The following CTSB variants were observed in gnomAD, a reference collection of about 807,000 sequenced individuals.
The protein encoded by CTSB is APP secretase.
CTSB carries 57 observed loss-of-function variants against 44.3 expected under a neutral mutation model. The ratio of observed to expected loss-of-function variants is 1.29; its 90% CI spans 1.04 to 1.60. CTSB has a LOEUF of 1.60. CTSB is among the 40% of genes most tolerant of loss of function. The probability of loss-of-function intolerance (pLI) is 0.00; values close to 1 mark genes in which losing one functional copy is unlikely to be tolerated. For synonymous variants in CTSB, 320 were observed against 168.0 expected, an observed-to-expected ratio of 1.91 and a Z score of -7.00; for missense variants, 768 against 443.0, an observed-to-expected ratio of 1.73 and a Z score of -6.59.
intron 4 of CTSB, 25 bp from the exon 5 acceptor site, chr8:11,849,189 G>T (rs201207819): frequency 6.3e-7 from 1 of 1,597,660 alleles, no homozygotes; most frequent in South Asian, 1.1e-5. Context: ...CCCACCGGGT[G>T]AGGCTGCCAT....
chr8:11,848,469 C>G (rs1813880565), intron 5 of CTSB: 1 of 449,170 alleles, frequency 2.2e-6, no homozygotes, highest in African/African-American at 2.0e-5. Context: ...TGAGCAGACG[C>G]TAAACTTCCC....
chr8:11,861,769 G>A (rs1166948375), intron 1 of CTSB, among the ~76,000 whole-genome samples: 1 of 152,228 alleles, frequency 6.6e-6, no homozygotes, highest in Non-Finnish European at 1.5e-5. Flanking sequence ...AGCTTTTAGA[G>A]ATCCTTTGAG....
Position 11,848,125 on chromosome 8 carries a change from A to T in CTSB, c.474T>A (p.Ala158=). Residue 158 remains alanine, a synonymous_variant, in exon 6 of 10, where the codon GCT becomes GCA. Coordinates refer to ENST00000353047, the MANE Select transcript of CTSB (RefSeq NM_001908.5). ...DGCNGGYPAE[A]WNFWTRKGLV... is the part of the protein sequence containing the mutation. ...GGCCTTTTCTTGTCCAGAAGTTCCA[A>T]GCTTCAGCAGGATAGCCACCATTAC... is the stretch of plus-strand genomic sequence containing the variant. The T allele has an allele frequency of 3.1e-6, 5 of 1,614,210 alleles. No homozygotes were observed. The highest frequency in any genetic ancestry group is 1.1e-5 in the South Asian group (1 of 91,090).
At chr8:11,858,839 T>C (rs928277231) in intron 1 of CTSB, among the ~76,000 whole-genome samples, 1 of 152,228 alleles carries the variant, frequency 6.6e-6, no homozygotes, top group African/African-American at 2.4e-5. Context: ...CCAGGGTCTT[T>C]GCATGGGACA....
rs957123874 is a variant in CTSB, at chr8:11,844,884, A to G, written c.*241T>C. 2 of 525,462 alleles carry G rather than the reference A, an allele frequency of 3.8e-6. No homozygotes were observed. The highest frequency in any genetic ancestry group is 6.8e-6 in the Non-Finnish European group (2 of 292,920). 32.5% of individuals were successfully genotyped at this position (525,462 alleles called of 1,614,324 possible). Reference sequence around the variant, plus strand: ...TGGGGCAGCAGGTACTCCCTACGGCACTAGTCTACAGGGGGAAGGACGCTC... The same window carrying G: ...TGGGGCAGCAGGTACTCCCTACGGCGCTAGTCTACAGGGGGAAGGACGCTC... On this transcript the variant is annotated 3_prime_UTR_variant, in exon 10 of 10. Coordinates refer to ENST00000353047, the MANE Select transcript of CTSB (RefSeq NM_001908.5).
In CTSB at chr8:11,853,335, C is replaced by G. The variant is rs756120556; in HGVS notation, c.120G>C (p.Thr40=). Reference sequence around the variant, plus strand: ...ACGCAGCCCCACAGCCTACCTGCCACGTGGTATTCCGTTTGTTGACATAGT... The same window carrying G: ...ACGCAGCCCCACAGCCTACCTGCCAGGTGGTATTCCGTTTGTTGACATAGT... The part of the protein sequence containing the change: ...LVNYVNKRNT[T]WQAGHNFYNV... The change falls in exon 2 of 10, where the codon ACG becomes ACC. Residue 40 remains threonine (T), a synonymous_variant. Coordinates refer to ENST00000353047, the MANE Select transcript of CTSB (RefSeq NM_001908.5). The G allele has an allele frequency of 3.7e-6, 6 of 1,613,296 alleles. No individual in the cohort carries two copies. Among genetic ancestry groups the G allele is most frequent in the Non-Finnish European group, 5.1e-6 (6 of 1,179,848 alleles).
chr8:11,856,116 G>A (rs1586161289), intron 1 of CTSB, among the ~76,000 whole-genome samples: 1 of 152,052 alleles, frequency 6.6e-6, no homozygotes, highest in East Asian at 1.9e-4. Flanking sequence ...AGATTGGCAA[G>A]GGCTGGACAG....
At chr8:11,845,876 G>A (rs184556137) in intron 8 of CTSB, 87 bp from the exon 9 acceptor site, 108 of 1,445,232 alleles carry the variant, frequency 7.5e-5, no homozygotes, top group Admixed American at 7.2e-5. Context: ...GTCATGCTCC[G>A]GGAAGGAGAA....
intron 3 of CTSB, among the ~76,000 whole-genome samples, chr8:11,851,228 C>G (rs983945787): frequency 6.6e-6 from 1 of 152,108 alleles, no homozygotes; most frequent in African/African-American, 2.4e-5. Flanking sequence ...TTCACTGTGT[C>G]ATCCAGGCTG....
At chr8:11,847,919 A>C in intron 6 of CTSB, 97 bp from the exon 7 acceptor site, 1 of 1,442,638 alleles carries the variant, frequency 6.9e-7, no homozygotes, top group Non-Finnish European at 9.4e-7. Context: ...GACGCCAGGC[A>C]GGTCCTGCCA....
intron 1 of CTSB, among the ~76,000 whole-genome samples, chr8:11,855,221 C>G (rs1239969722): frequency 2.6e-5 from 4 of 152,108 alleles, no homozygotes; most frequent in South Asian, 4.1e-4. Context: ...AGGGTTTCAC[C>G]ATTTTGGCCA....
chr8:11,852,363 T>A (rs1814747417), intron 3 of CTSB, among the ~76,000 whole-genome samples: 2 of 151,892 alleles, frequency 1.3e-5, no homozygotes, highest in South Asian at 2.1e-4. Context: ...AGAGTGAGAC[T>A]CTCTCAAAAA....
intron 1 of CTSB, among the ~76,000 whole-genome samples, chr8:11,859,648 A>T (rs930677287): frequency 4.0e-5 from 6 of 151,222 alleles, no homozygotes; most frequent in African/African-American, 1.5e-4. Flanking sequence ...GGTGCCTGTA[A>T]TCCCACCTAC....
chr8:11,855,342 T>G (rs1815331187), intron 1 of CTSB, among the ~76,000 whole-genome samples: 1 of 152,150 alleles, frequency 6.6e-6, no homozygotes, highest in Non-Finnish European at 1.5e-5. Flanking sequence ...TTTAAAAAGT[T>G]TTATGAAAAA....
At chr8:11,866,796 G>GT (rs1424871058) in intron 1 of CTSB, among the ~76,000 whole-genome samples, 4 of 152,216 alleles carry the variant, frequency 2.6e-5, no homozygotes, top group African/African-American at 7.2e-5. Context: ...GGAGGCGGAA[G>GT]TTGTAGTGAG....
chr8:11,856,903 C>G (rs1213274443), intron 1 of CTSB, among the ~76,000 whole-genome samples: 3 of 151,514 alleles, frequency 2.0e-5, no homozygotes, highest in African/African-American at 7.3e-5. Flanking sequence ...TTTGTTTCTT[C>G]TAGGAAAAAT....
rs936546565 is a variant in CTSB, at chr8:11,843,048, A to C, written c.*2077T>G. On this transcript the variant is annotated 3_prime_UTR_variant, in exon 10 of 10. Transcript: ENST00000353047. ...ACTGCAACCTCCGCCTCCCGGGTTC[A>C]AGCGATTCTCCTGCCTCAGCCTCCC... 1 of 150,476 alleles carries C rather than the reference A, an allele frequency of 6.6e-6. No homozygotes were observed. The highest frequency in any genetic ancestry group is 1.5e-5 in the Non-Finnish European group (1 of 68,000). 9.3% of individuals were successfully genotyped at this position (150,476 alleles called of 1,614,324 possible). A position where few individuals can be genotyped will look rare whatever the true frequency, so the allele number is the denominator to read the frequency against.
chr8:11,860,719 G>C (rs1314898324), intron 1 of CTSB, among the ~76,000 whole-genome samples: 1 of 152,248 alleles, frequency 6.6e-6, no homozygotes. Context: ...GGCCAGCAGA[G>C]CGGCTAAGAG....
intron 8 of CTSB, among the ~76,000 whole-genome samples, chr8:11,846,841 G>C (rs1692815): frequency 0.61 from 93,125 of 151,826 alleles, 28,648 homozygotes; most frequent in Middle Eastern, 0.66. Context: ...CTCTGGAATT[G>C]TGTGTGTTGG....
Sources: gnomAD v4.1 joint callset for allele counts (sites outside exome capture counted in the v4.1 genomes callset) on GRCh38, gnomAD v4.1.1 for gene constraint, MANE v1.5 for transcripts, NCBI Gene and HGNC (gene_info 2026-07-23, HGNC 2026-07-21) for gene names.